The following DSE variants were observed in gnomAD, a reference collection of about 807,000 sequenced individuals.
DSE encodes dermatan sulfate epimerase.
Under a neutral mutation model 84.4 loss-of-function variants are expected in DSE, and 36 were observed. The ratio of observed to expected loss-of-function variants is 0.43; its 90% CI spans 0.33 to 0.56. The LOEUF (loss-of-function observed/expected upper bound fraction) is 0.56, where lower values mean the gene tolerates loss of function less well. Among genes scored for constraint, DSE ranks in the 20% least tolerant of loss-of-function variants. DSE has a pLI of 0.06. For missense variants in DSE, 862 were observed against 1,169.6 expected (o/e 0.74, Z 3.84); for synonymous variants, 410 against 430.1 (o/e 0.95, Z 0.58).
intron 2 of DSE, among the ~76,000 whole-genome samples, chr6:116,263,683 G>A (rs544646831): frequency 2.7e-4 from 41 of 152,266 alleles, no homozygotes; most frequent in African/African-American, 9.9e-4. Context: ...TGTTTATGTG[G>A]TTGCTTTATA....
At position 116,441,753 on chromosome 6, in the gene DSE, A is replaced by C. The variant is rs1325198585; in HGVS notation, c.*4408A>C. The C allele has an allele frequency of 2.0e-5, 3 of 152,238 alleles. No individual in the cohort carries two copies. Among genetic ancestry groups the C allele is most frequent in the African/African-American group, 7.2e-5 (3 of 41,456 alleles). The allele number at this position is 152,238 out of a possible 1,614,324, so 9.4% of individuals were successfully genotyped here. The stretch of plus-strand genomic sequence containing the variant: ...GGAAGGAACTGAAGGAAATTTATAT[A>C]TTGAGTGCAGTATGTTTAAATGGAA... On this transcript the variant is annotated 3_prime_UTR_variant, in exon 6 of 6. Transcript: ENST00000644252.
At chr6:116,363,244 T>C (rs887207779) in intron 2 of DSE, among the ~76,000 whole-genome samples, 34 of 151,940 alleles carry the variant, frequency 2.2e-4, no homozygotes, top group East Asian at 1.9e-4. Context: ...AATATATATA[T>C]ACACACACAC....
At chr6:116,283,045 A>G (rs1244384049) in intron 2 of DSE, among the ~76,000 whole-genome samples, 1 of 152,192 alleles carries the variant, frequency 6.6e-6, no homozygotes, top group East Asian at 1.9e-4. Context: ...TAAAAAGGAT[A>G]CCTGTTTCTT....
chr6:116,375,843 G>C (rs1779891214), intron 1 of DSE, among the ~76,000 whole-genome samples: 1 of 151,884 alleles, frequency 6.6e-6, no homozygotes, highest in East Asian at 1.9e-4. Flanking sequence ...TAATATTTTA[G>C]TGTAGTAGAA....
At chr6:116,360,264 T>C (rs1778815278) in intron 2 of DSE, among the ~76,000 whole-genome samples, 2 of 152,284 alleles carry the variant, frequency 1.3e-5, no homozygotes, top group South Asian at 4.2e-4. Context: ...GGTGATGGGT[T>C]GATAGGTGCA....
At chr6:116,296,528 G>T (rs1361560029) in intron 2 of DSE, among the ~76,000 whole-genome samples, 1 of 152,198 alleles carries the variant, frequency 6.6e-6, no homozygotes. Flanking sequence ...ATTTAAAAGT[G>T]TGACTGGGGC....
At chr6:116,304,299 AT>A (rs1326362552) in intron 2 of DSE, among the ~76,000 whole-genome samples, 2 of 152,174 alleles carry the variant, frequency 1.3e-5, no homozygotes, top group Non-Finnish European at 2.9e-5. Flanking sequence ...GTTGCAAAGT[AT>A]TTAGCCCACT....
At chr6:116,307,493 T>G (rs1775425012) in intron 2 of DSE, among the ~76,000 whole-genome samples, 3 of 152,226 alleles carry the variant, frequency 2.0e-5, no homozygotes, top group African/African-American at 7.2e-5. Flanking sequence ...TTCATACATT[T>G]TATATGGATA....
chr6:116,433,606 G>A, intron 5 of DSE, 56 bp downstream of exon 5: 1 of 1,509,882 alleles, frequency 6.6e-7, no homozygotes, highest in East Asian at 2.3e-5. Context: ...TACTATTCAT[G>A]CTATGCACTT....
rs1329105994 is a variant in DSE, at chr6:116,438,750, C to T, written c.*1405C>T. 1.3e-5 allele frequency: 2 copies of T among 152,178 alleles called. No homozygotes were observed. Among genetic ancestry groups the T allele is most frequent in the African/African-American group, 4.8e-5 (2 of 41,438 alleles). The allele number at this position is 152,178 out of a possible 1,614,324, so 9.4% of individuals were successfully genotyped here. A position where few individuals can be genotyped will look rare whatever the true frequency, so the allele number is the denominator to read the frequency against. ...ATAGGTGTAAAGTAACAACAGTAAC[C>T]TTTCCTCTTACTTGCTCTTTTAGTT... is the stretch of plus-strand genomic sequence containing the variant. On this transcript the variant is annotated 3_prime_UTR_variant, in exon 6 of 6. Coordinates refer to ENST00000644252, the MANE Select transcript of DSE (RefSeq NM_013352.4).
intron 2 of DSE, among the ~76,000 whole-genome samples, chr6:116,259,908 G>A (rs1772338123): frequency 6.6e-6 from 1 of 152,180 alleles, no homozygotes; most frequent in Non-Finnish European, 1.5e-5. Flanking sequence ...CATTTAGGTT[G>A]ATTCCATGGC....
chr6:116,300,986 T>G (rs117770568), intron 2 of DSE, among the ~76,000 whole-genome samples: 4 of 152,106 alleles, frequency 2.6e-5, no homozygotes, highest in South Asian at 2.1e-4. Flanking sequence ...GACAGCAAAC[T>G]TAGGGGTGAA....
chr6:116,281,655 C>T (rs750186462), intron 2 of DSE, among the ~76,000 whole-genome samples: 2 of 152,200 alleles, frequency 1.3e-5, no homozygotes, highest in Non-Finnish European at 2.9e-5. Context: ...CTGTAAACTG[C>T]AAGAGGACAT....
intron 2 of DSE, chr6:116,279,756 C>T: frequency 3.7e-6 from 6 of 1,612,250 alleles, no homozygotes; most frequent in South Asian, 2.2e-5. Flanking sequence ...CCTGGTCGCT[C>T]GGGACTTGGT....
rs531852138 is a variant in DSE at position 116,303,082 on chromosome 6, T to G, written c.-54+44115T>G. On this transcript the variant is annotated intron_variant, in intron 2 of 3. Coordinates refer to the DSE transcript ENST00000430252. ...ATTCGTCCAATGTGCTCTCTCTTTC[T>G]CTTCTCTGGCCACAGTTACATCTTT... 8.5e-5 allele frequency among the ~76,000 whole-genome samples: 13 copies of G among 152,288 alleles called. No individual in the cohort carries two copies. In the East Asian group the frequency reaches 2.3e-3, roughly 27 times the overall value.
intron 2 of DSE, among the ~76,000 whole-genome samples, chr6:116,264,854 C>T (rs1411353574): frequency 3.3e-5 from 5 of 152,132 alleles, no homozygotes; most frequent in Non-Finnish European, 2.9e-5. Context: ...CACTCAGCTC[C>T]CAAGTCCTAC....
intron 2 of DSE, among the ~76,000 whole-genome samples, chr6:116,333,330 T>C (rs1182173531): frequency 1.3e-5 from 2 of 152,112 alleles, no homozygotes; most frequent in African/African-American, 4.8e-5. Context: ...AGGGCATTCT[T>C]GTTGTATCAT....
chr6:116,321,998 G>A lies in DSE; in HGVS notation c.-54+63031G>A, dbSNP rs539011391. Reference sequence around the variant, plus strand: ...AAAGAAGGAAGGGGTTTGTTCGGCCGGGGGCATCAGCAAGACTCCTGTCTC... The same window carrying A: ...AAAGAAGGAAGGGGTTTGTTCGGCCAGGGGCATCAGCAAGACTCCTGTCTC... On this transcript the variant is annotated intron_variant, in intron 2 of 3. Transcript: ENST00000430252. 1.3e-3 allele frequency among the ~76,000 whole-genome samples: 199 copies of A among 152,152 alleles called. 1 individual carries two copies. Among genetic ancestry groups the A allele is most frequent in the African/African-American group, 4.6e-3 (189 of 41,526 alleles).
chr6:116,279,723 G>A, intron 2 of DSE: 1 of 1,611,522 alleles, frequency 6.2e-7, no homozygotes, highest in Non-Finnish European at 8.5e-7. Flanking sequence ...TTTGGTCGCG[G>A]AGCCTCAGGT....
Sources: gnomAD v4.1 joint callset for allele counts (sites outside exome capture counted in the v4.1 genomes callset) on GRCh38, gnomAD v4.1.1 for gene constraint, MANE v1.5 for transcripts, NCBI Gene and HGNC (gene_info 2026-07-23, HGNC 2026-07-21) for gene names.